The following CHST10 variants were observed in gnomAD, a reference collection of about 807,000 sequenced individuals.
The protein encoded by CHST10 is carbohydrate sulfotransferase 10.
CHST10 carries 24 observed loss-of-function variants against 34.7 expected under a neutral mutation model. The ratio of observed to expected loss-of-function variants is 0.69; its 90% CI spans 0.50 to 0.97. The LOEUF is 0.97. CHST10 is among the 50% of genes least tolerant of loss of function. The pLI is 0.00. For missense variants in CHST10, 402 were observed against 452.1 expected, an observed-to-expected ratio of 0.89 and a Z score of 1.00; for synonymous variants, 161 against 169.3, an observed-to-expected ratio of 0.95 and a Z score of 0.38.
intron 1 of CHST10, chr2:100,415,798 G>A (rs949628054): frequency 6.6e-6 from 1 of 152,182 alleles, no homozygotes; most frequent in Non-Finnish European, 1.5e-5. Flanking sequence ...ATCGTTAGGC[G>A]ATGTTCTTCT....
chr2:100,403,538 G>A (rs1016447165), intron 3 of CHST10, among the ~76,000 whole-genome samples: 2 of 152,164 alleles, frequency 1.3e-5, no homozygotes, highest in Non-Finnish European at 2.9e-5. Context: ...AGCAACTCAC[G>A]ACAACCATGC....
At chr2:100,407,517 A>G (rs1675632847) in intron 2 of CHST10, among the ~76,000 whole-genome samples, 1 of 152,194 alleles carries the variant, frequency 6.6e-6, no homozygotes, top group Non-Finnish European at 1.5e-5. Context: ...GCTGGCTTCC[A>G]CCGACTGACT....
In CHST10 at chr2:100,391,900, C is replaced by A. The variant is rs1674807595; in HGVS notation, c.*1345G>T. 1.3e-5 allele frequency: 2 copies of A among 152,804 alleles called. No homozygotes were observed. The highest frequency in any genetic ancestry group is 2.1e-4 in the South Asian group (1 of 4,832). The allele number at this position is 152,804 out of a possible 1,614,324, so 9.5% of individuals were successfully genotyped here. On this transcript the variant is annotated 3_prime_UTR_variant, in exon 7 of 7. Coordinates refer to ENST00000264249, the MANE Select transcript of CHST10 (RefSeq NM_004854.5). ...AAATTTTATTTAACTTTCACATTGACACAATCAGGAAACCATTCTGAGAAA... is the reference window on the plus strand; with the variant it reads ...AAATTTTATTTAACTTTCACATTGAAACAATCAGGAAACCATTCTGAGAAA...
Position 100,393,587 on chromosome 2 carries a change from G to A in CHST10, c.729C>T (p.Tyr243=), listed in dbSNP as rs1487399808. The A allele has an allele frequency of 6.2e-7, 1 of 1,614,150 alleles. No homozygotes were observed. Among genetic ancestry groups the A allele is most frequent in the Non-Finnish European group, 8.5e-7 (1 of 1,180,028 alleles). Residue 243 remains tyrosine (Y), a synonymous_variant, in exon 7 of 7, where the codon TAC becomes TAT. Transcript: ENST00000264249. ...GCCATCTGTGGTTCGGATCGCCGAGGTAGCGCACGAAATCTTCAAACTGGA... is the reference window on the plus strand; with the variant it reads ...GCCATCTGTGGTTCGGATCGCCGAGATAGCGCACGAAATCTTCAAACTGGA... ...RGIQFEDFVR[Y]LGDPNHRWLD...
intron 4 of CHST10, among the ~76,000 whole-genome samples, chr2:100,399,675 C>T (rs1317453660): frequency 1.3e-5 from 2 of 152,162 alleles, no homozygotes; most frequent in Admixed American, 6.5e-5. Context: ...CCTCAGGGCC[C>T]CCCACCCAGC....
chr2:100,395,382 C>G, intron 6 of CHST10, 127 bp downstream of exon 6: 1 of 716,128 alleles, frequency 1.4e-6, no homozygotes, highest in East Asian at 2.7e-5. Flanking sequence ...CTCACTGATG[C>G]AAACCGACAG....
rs760578039 is a variant in CHST10 at position 100,393,591 on chromosome 2, C to T, written c.725G>A (p.Arg242His). 20 of 1,614,080 alleles carry T rather than the reference C, an allele frequency of 1.2e-5. No homozygotes were observed. Among genetic ancestry groups the T allele is most frequent in the South Asian group, 6.6e-5 (6 of 91,058 alleles). The change falls in exon 7 of 7, where the codon CGC becomes CAC. Residue 242 changes from arginine (R) to histidine (H), a missense_variant. By Grantham distance (29) the Arg-to-His change is conservative. Coordinates refer to ENST00000264249, the MANE Select transcript of CHST10 (RefSeq NM_004854.5). ...TCTGTGGTTCGGATCGCCGAGGTAG[C>T]GCACGAAATCTTCAAACTGGATCCC... Reference protein sequence around the residue: ...TRGIQFEDFVRYLGDPNHRWL... With the variant: ...TRGIQFEDFVHYLGDPNHRWL...
chr2:100,393,859 G>T, intron 6 of CHST10, 77 bp from the exon 7 acceptor site: 2 of 1,219,872 alleles, frequency 1.6e-6, no homozygotes, highest in Non-Finnish European at 2.3e-6. Flanking sequence ...AGGGAAGAAT[G>T]AGCGGAGTGC....
chr2:100,405,344 G>A (rs1194766676), intron 3 of CHST10, among the ~76,000 whole-genome samples: 1 of 152,200 alleles, frequency 6.6e-6, no homozygotes, highest in Non-Finnish European at 1.5e-5. Context: ...GGCAGGACAT[G>A]TGATGACAGC....
At chr2:100,397,414 G>A (rs1334699477) in intron 5 of CHST10, among the ~76,000 whole-genome samples, 1 of 152,176 alleles carries the variant, frequency 6.6e-6, no homozygotes, top group African/African-American at 2.4e-5. Flanking sequence ...CTGCTCGCTG[G>A]CACAGAACGC....
chr2:100,393,548 A>C lies in CHST10; in HGVS notation c.768T>G (p.Phe256Leu). ...DPNHRWLDLQ[F>L]GDHIIHWVTY... is the part of the protein sequence containing the mutation. ...TCACCCAGTGAATGATGTGGTCCCC[A>C]AACTGAAGGTCTAGCCATCTGTGGT... Residue 256 changes from phenylalanine to leucine, a missense_variant, in exon 7 of 7, where the codon TTT becomes TTG. Transcript: ENST00000264249. 2 of 1,614,122 alleles carry C rather than the reference A, an allele frequency of 1.2e-6. No individual in the cohort carries two copies. The highest frequency in any genetic ancestry group is 1.7e-6 in the Non-Finnish European group (2 of 1,180,032).
intron 2 of CHST10, among the ~76,000 whole-genome samples, chr2:100,409,455 A>G (rs1339708484): frequency 6.6e-6 from 1 of 151,906 alleles, no homozygotes; most frequent in Non-Finnish European, 1.5e-5. Flanking sequence ...TAAGTATTGG[A>G]TTTTCATTTA....
At chr2:100,409,880 C>G (rs1675750345) in intron 2 of CHST10, among the ~76,000 whole-genome samples, 1 of 152,170 alleles carries the variant, frequency 6.6e-6, no homozygotes, top group South Asian at 2.1e-4. Context: ...CAGAGAGTCC[C>G]TTCCCTGGCC....
chr2:100,417,393 T>A lies in CHST10; in HGVS notation c.-123A>T. 1 of 291,792 alleles carries A rather than the reference T, an allele frequency of 3.4e-6. No individual in the cohort carries two copies. The highest frequency in any genetic ancestry group is 6.8e-6 in the Non-Finnish European group (1 of 147,076). The allele number at this position is 291,792 out of a possible 1,614,324, so 18.1% of individuals were successfully genotyped here. A position where few individuals can be genotyped will look rare whatever the true frequency, so the allele number is the denominator to read the frequency against. ...GCTCACCCTACTGGAGCGGCGCTCG[T>A]CCGGGTCCTTAGGCTCCTCCCCTGG... On this transcript the variant is annotated 5_prime_UTR_variant, in exon 1 of 7. Transcript: ENST00000264249.
In CHST10 at chr2:100,406,722, C is replaced by T. The variant is rs769506174; in HGVS notation, c.-32-15G>A. ...ACTGACTCTTCCTGGAAAACACAAG[C>T]GAGATGCCCCTGCTGCTTACAAATA... is the stretch of plus-strand genomic sequence containing the variant. On this transcript the variant is annotated splice_polypyrimidine_tract_variant and intron_variant, in intron 2 of 6. Coordinates refer to ENST00000264249, the MANE Select transcript of CHST10 (RefSeq NM_004854.5). The T allele has an allele frequency of 1.6e-5, 25 of 1,611,724 alleles. No homozygotes were observed. In the East Asian group the frequency reaches 2.9e-4, roughly 19 times the overall value.
Position 100,417,447 on chromosome 2 carries a change from C to T in CHST10, c.-177G>A, listed in dbSNP as rs1413446228. The T allele has an allele frequency of 1.2e-5, 2 of 168,678 alleles. No individual in the cohort carries two copies. The highest frequency in any genetic ancestry group is 2.4e-5 in the African/African-American group (1 of 41,558). The allele number at this position is 168,678 out of a possible 1,614,324, so 10.4% of individuals were successfully genotyped here. A position where few individuals can be genotyped will look rare whatever the true frequency, so the allele number is the denominator to read the frequency against. ...TGGGGGCGCCGCGCGGGTCGGGCTT[C>T]GCCGGGCCTGTGGGCGAAGCGCGCG... On this transcript the variant is annotated 5_prime_UTR_variant, in exon 1 of 7. Coordinates refer to ENST00000264249, the MANE Select transcript of CHST10 (RefSeq NM_004854.5).
intron 4 of CHST10, among the ~76,000 whole-genome samples, chr2:100,401,027 A>C (rs749821455): frequency 1.3e-5 from 2 of 152,214 alleles, no homozygotes; most frequent in Non-Finnish European, 2.9e-5. Flanking sequence ...CATGTTGATA[A>C]ATCCCCTTTC....
intron 4 of CHST10, among the ~76,000 whole-genome samples, chr2:100,400,034 A>C (rs1675265314): frequency 6.6e-6 from 1 of 152,014 alleles, no homozygotes; most frequent in South Asian, 2.1e-4. Context: ...ACTTATCCCA[A>C]AAGAGCCTCT....
chr2:100,411,843 G>A (rs1481519327), intron 2 of CHST10, among the ~76,000 whole-genome samples: 1 of 152,170 alleles, frequency 6.6e-6, no homozygotes, highest in East Asian at 1.9e-4. Context: ...ACAATGGGAT[G>A]TGCCTTGGGC....
Sources: allele counts gnomAD v4.1 joint callset (sites outside exome capture counted in the v4.1 genomes callset), GRCh38; gene constraint gnomAD v4.1.1; transcripts MANE v1.5; gene names NCBI Gene and HGNC (gene_info 2026-07-23, HGNC 2026-07-21).